The following SMC2 variants were observed in gnomAD, a reference collection of about 807,000 sequenced individuals.
SMC2 encodes the protein structural maintenance of chromosomes protein 2.
SMC2 carries 41 observed loss-of-function variants against 142.6 expected under a neutral mutation model. That is an observed-to-expected ratio of 0.29 (90% CI 0.22 to 0.37). The LOEUF (loss-of-function observed/expected upper bound fraction) is 0.37. SMC2 is among the 10% of genes least tolerant of loss of function. The pLI, the probability that SMC2 is intolerant of heterozygous loss-of-function variation, is 1.00. For missense variants in SMC2, 1,265 were observed against 1,373.7 expected (o/e 0.92, Z 1.25); for synonymous variants, 463 against 457.5 (o/e 1.01, Z -0.15).
intron 21 of SMC2, among the ~76,000 whole-genome samples, chr9:104,130,162 T>G (rs569168865): frequency 1.2e-3 from 189 of 152,324 alleles, no homozygotes; most frequent in African/African-American, 4.3e-3. Flanking sequence ...ACTTCTGTCA[T>G]CCTCTTGACT....
In SMC2 at chr9:104,139,359, A is replaced by G. The variant is rs772966345; in HGVS notation, c.*44A>G. On this transcript the variant is annotated 3_prime_UTR_variant, in exon 25 of 25. Transcript: ENST00000374793. The stretch of plus-strand genomic sequence containing the variant: ...CATCTTGACCTGTTTTTTTAAATGT[A>G]AACTTTTAAGGACTTGAGATAACTA... 1.3e-6 allele frequency: 2 copies of G among 1,499,324 alleles called. No individual in the cohort carries two copies. The highest frequency in any genetic ancestry group is 1.8e-6 in the Non-Finnish European group (2 of 1,114,732). 92.9% of individuals were successfully genotyped at this position (1,499,324 alleles called of 1,614,324 possible). A position where few individuals can be genotyped will look rare whatever the true frequency, so the allele number is the denominator to read the frequency against.
intron 11 of SMC2, 37 bp from the exon 12 acceptor site, chr9:104,113,927 A>T: frequency 7.5e-7 from 1 of 1,330,038 alleles, no homozygotes; most frequent in Non-Finnish European, 1.0e-6. Flanking sequence ...GTGAGCTTTT[A>T]AAACTTGGTT....
chr9:104,111,962 A>C, intron 10 of SMC2, 148 bp downstream of exon 10: 1 of 606,618 alleles, frequency 1.6e-6, no homozygotes, highest in Non-Finnish European at 2.8e-6. Context: ...CTAATGCCTA[A>C]TGCAGCGAAA....
intron 23 of SMC2, among the ~76,000 whole-genome samples, chr9:104,137,368 T>C (rs891399398): frequency 2.0e-5 from 3 of 152,140 alleles, no homozygotes; most frequent in African/African-American, 4.8e-5. Context: ...CAGATTAGAA[T>C]GAGCTGCAGT....
At chr9:104,100,794 C>A (rs1020376861) in intron 7 of SMC2, among the ~76,000 whole-genome samples, 1 of 152,132 alleles carries the variant, frequency 6.6e-6, no homozygotes, top group Non-Finnish European at 1.5e-5. Flanking sequence ...TCCAGGATAA[C>A]AGGGGCTATC....
intron 9 of SMC2, among the ~76,000 whole-genome samples, chr9:104,110,537 G>A (rs1832314738): frequency 6.6e-6 from 1 of 152,148 alleles, no homozygotes; most frequent in African/African-American, 2.4e-5. Flanking sequence ...GGAATCAAAA[G>A]TATATGTGAT....
chr9:104,099,720 A>G lies in SMC2; in HGVS notation c.480+38A>G, dbSNP rs1271573480. The G allele has an allele frequency of 4.9e-6, 6 of 1,223,004 alleles. No individual in the cohort carries two copies. In the Admixed American group the frequency reaches 9.5e-5, roughly 19 times the overall value. The allele number at this position is 1,223,004 out of a possible 1,614,324, so 75.8% of individuals were successfully genotyped here. A position where few individuals can be genotyped will look rare whatever the true frequency, so the allele number is the denominator to read the frequency against. Reference sequence around the variant, plus strand: ...TTTATGGACATTAAAAATAGTTGGTATAGATATTACTTTAATCTTTCAGAC... The same window carrying G: ...TTTATGGACATTAAAAATAGTTGGTGTAGATATTACTTTAATCTTTCAGAC... On this transcript the variant is annotated intron_variant, in intron 5 of 24. Coordinates refer to ENST00000374793, the MANE Select transcript of SMC2 (RefSeq NM_006444.3).
At chr9:104,105,601 A>G (rs889238176) in intron 9 of SMC2, among the ~76,000 whole-genome samples, 1 of 152,060 alleles carries the variant, frequency 6.6e-6, no homozygotes, top group Non-Finnish European at 1.5e-5. Flanking sequence ...TTCATCACCA[A>G]TGGGACCTGC....
At chr9:104,121,532 A>AT (rs973691430) in intron 16 of SMC2, among the ~76,000 whole-genome samples, 1 of 151,822 alleles carries the variant, frequency 6.6e-6, no homozygotes, top group Non-Finnish European at 1.5e-5. Flanking sequence ...TTCAATTGTT[A>AT]TTTTTTCCAG....
chr9:104,112,743 G>GTT (rs1284204868), intron 10 of SMC2, among the ~76,000 whole-genome samples: 1 of 152,108 alleles, frequency 6.6e-6, no homozygotes, highest in African/African-American at 2.4e-5. Context: ...CTAGTTCATA[G>GTT]TTTTAAGAAG....
At chr9:104,098,176 TA>T (rs778882049) in intron 3 of SMC2, among the ~76,000 whole-genome samples, 18 of 152,324 alleles carry the variant, frequency 1.2e-4, no homozygotes, top group Admixed American at 3.9e-4. Flanking sequence ...AGCTAGAAGT[TA>T]CCTCGGAGAC....
chr9:104,110,441 T>C (rs976877524), intron 9 of SMC2, among the ~76,000 whole-genome samples: 4 of 151,880 alleles, frequency 2.6e-5, no homozygotes, highest in Non-Finnish European at 1.5e-5. Flanking sequence ...CAGTATATAA[T>C]GTAGCATACA....
chr9:104,094,537 G>GGAGGCGC (rs1249706856), intron 1 of SMC2, 60 bp downstream of exon 1: 125 of 370,200 alleles, frequency 3.4e-4, no homozygotes, highest in African/African-American at 2.4e-3. Context: ...GCGGGAGGCG[G>GGAGGCGC]GAGGCGGGAG....
At chr9:104,088,280 T>C in the SMC2 span, among the ~76,000 whole-genome samples, 2 of 152,142 alleles carry the variant, frequency 1.3e-5, no homozygotes, top group African/African-American at 2.4e-5. Context: ...TAAACTATTC[T>C]TTTCTGGCAC....
upstream of SMC2, chr9:104,092,904 T>C (rs1043245204): frequency 1.3e-5 from 2 of 152,192 alleles, no homozygotes; most frequent in East Asian, 1.9e-4. Context: ...CTGACGGTTT[T>C]AGCAAGTGGC....
chr9:104,129,952 C>G, intron 21 of SMC2, 107 bp downstream of exon 21: 1 of 790,770 alleles, frequency 1.3e-6, no homozygotes. Flanking sequence ...TGCAGATGTC[C>G]TTGATACTTT....
intron 9 of SMC2, among the ~76,000 whole-genome samples, chr9:104,109,728 C>A (rs1832215538): frequency 6.6e-6 from 1 of 152,044 alleles, no homozygotes; most frequent in Non-Finnish European, 1.5e-5. Flanking sequence ...CAGACAAATA[C>A]CATATTGCCT....
chr9:104,091,309 T>C (rs1055601421), upstream of SMC2, among the ~76,000 whole-genome samples: 3 of 152,238 alleles, frequency 2.0e-5, no homozygotes, highest in Non-Finnish European at 4.4e-5. Context: ...CTGAATAATG[T>C]AGGTAACTAT....
chr9:104,140,728 T>C lies in SMC2; in HGVS notation c.*1413T>C, dbSNP rs1835990266. The C allele has an allele frequency of 6.6e-6, 1 of 151,480 alleles. No homozygotes were observed. The highest frequency in any genetic ancestry group is 2.1e-4 in the South Asian group (1 of 4,830). The allele number at this position is 151,480 out of a possible 1,614,324, so 9.4% of individuals were successfully genotyped here. The stretch of plus-strand genomic sequence containing the variant: ...GAAAGTCCAATGTCAAATATAGTTT[T>C]TTTGTTTCCTTTCAAATGTATTACA... On this transcript the variant is annotated 3_prime_UTR_variant, in exon 25 of 25. Transcript: ENST00000374793.
Sources: allele counts gnomAD v4.1 joint callset (sites outside exome capture counted in the v4.1 genomes callset), GRCh38; gene constraint gnomAD v4.1.1; transcripts MANE v1.5; gene names NCBI Gene and HGNC (gene_info 2026-07-23, HGNC 2026-07-21).